The following CNTNAP5 variants were observed in gnomAD, a reference collection of about 807,000 sequenced individuals.
CNTNAP5 encodes contactin-associated protein-like 5.
A neutral mutation model predicts 150.2 loss-of-function variants in CNTNAP5; 72 were observed. The ratio of observed to expected loss-of-function variants is 0.48; its 90% CI spans 0.40 to 0.58. The LOEUF (loss-of-function observed/expected upper bound fraction) is 0.58. CNTNAP5 is among the 20% of genes least tolerant of loss of function. CNTNAP5 has a pLI of 0.00. For synonymous variants in CNTNAP5, 672 were observed against 619.8 expected, an observed-to-expected ratio of 1.08 and a Z score of -1.25; for missense variants, 1,636 against 1,626.2, an observed-to-expected ratio of 1.01 and a Z score of -0.10.
chr2:124,785,868 G>A (rs765263311), intron 17 of CNTNAP5, among the ~76,000 whole-genome samples: 1 of 152,172 alleles, frequency 6.6e-6, no homozygotes, highest in Non-Finnish European at 1.5e-5. Flanking sequence ...AGCAGGGGCT[G>A]AAGGTAGCAT....
chr2:124,886,565 G>A (rs1242789018), intron 21 of CNTNAP5, among the ~76,000 whole-genome samples: 1 of 151,954 alleles, frequency 6.6e-6, no homozygotes, highest in Non-Finnish European at 1.5e-5. Flanking sequence ...TTTTTAAAAG[G>A]GGAGAAAAAG....
rs140161122 is a variant in CNTNAP5 at position 124,095,250 on chromosome 2, A to G, written c.82+69518A>G. Among the ~76,000 whole-genome samples the G allele has an allele frequency of 1.2e-3, 183 of 152,324 alleles. 1 individual carries two copies. Among genetic ancestry groups the G allele is most frequent in the African/African-American group, 4.1e-3 (169 of 41,570 alleles). ...TCAGCAAACTAACACATGAACAGAA[A>G]GCCAAGCACTGCATGTTCTCAGTCA... On this transcript the variant is annotated intron_variant, in intron 1 of 23. Coordinates refer to ENST00000682447, the MANE Select transcript of CNTNAP5 (RefSeq NM_001367498.1).
intron 1 of CNTNAP5, among the ~76,000 whole-genome samples, chr2:124,140,818 G>C (rs1376584601): frequency 2.4e-5 from 2 of 84,318 alleles, no homozygotes; most frequent in Non-Finnish European, 5.0e-5. Flanking sequence ...AGAGAAGAAG[G>C]CTTCAGACGA....
At chr2:124,194,406 T>TAA (rs1685533205) in intron 1 of CNTNAP5, among the ~76,000 whole-genome samples, 1 of 17,648 alleles carries the variant, frequency 5.7e-5, no homozygotes, top group African/African-American at 2.1e-4. Flanking sequence ...TATATATATA[T>TAA]ATATAAATAT....
intron 19 of CNTNAP5, among the ~76,000 whole-genome samples, chr2:124,844,662 G>T (rs1295637644): frequency 2.6e-5 from 4 of 151,874 alleles, no homozygotes; most frequent in African/African-American, 9.7e-5. Flanking sequence ...TGTTTCTGTT[G>T]TCTATGACTT....
At position 124,911,383 on chromosome 2, in the gene CNTNAP5, T is replaced by A; in HGVS notation, c.3656-84T>A. ...GGGCACCTGGTGTAATGCACAGGTGTGTCATTCCAGGTGGGCCACACTGTA... is the reference window on the plus strand; with the variant it reads ...GGGCACCTGGTGTAATGCACAGGTGAGTCATTCCAGGTGGGCCACACTGTA... On this transcript the variant is annotated intron_variant, in intron 22 of 23. Coordinates refer to ENST00000682447, the MANE Select transcript of CNTNAP5 (RefSeq NM_001367498.1). The A allele has an allele frequency of 1.8e-5, 17 of 931,926 alleles. No individual in the cohort carries two copies. In the South Asian group the frequency reaches 2.4e-4, roughly 13 times the overall value. 57.7% of individuals were successfully genotyped at this position (931,926 alleles called of 1,614,324 possible).
At chr2:124,882,104 AG>A (rs1226607223) in intron 21 of CNTNAP5, among the ~76,000 whole-genome samples, 1 of 152,078 alleles carries the variant, frequency 6.6e-6, no homozygotes, top group Admixed American at 6.6e-5. Flanking sequence ...CACTCAGTTC[AG>A]GGGTTTTGAA....
chr2:124,159,103 C>T (rs1684613989), intron 1 of CNTNAP5, among the ~76,000 whole-genome samples: 1 of 152,106 alleles, frequency 6.6e-6, no homozygotes, highest in Non-Finnish European at 1.5e-5. Context: ...AGAACAATTG[C>T]CTTTATTGTT....
chr2:124,183,632 T>G (rs1363641386), intron 1 of CNTNAP5, among the ~76,000 whole-genome samples: 5 of 152,158 alleles, frequency 3.3e-5, no homozygotes, highest in East Asian at 1.9e-4. Context: ...TAAAGCACAG[T>G]TAATATATTT....
intron 19 of CNTNAP5, among the ~76,000 whole-genome samples, chr2:124,803,318 T>C (rs1160841491): frequency 6.6e-6 from 1 of 152,134 alleles, no homozygotes; most frequent in African/African-American, 2.4e-5. Context: ...CAGCAGACAT[T>C]ATATTTTTTC....
intron 11 of CNTNAP5, among the ~76,000 whole-genome samples, chr2:124,599,316 T>A (rs1696924390): frequency 6.6e-6 from 1 of 152,218 alleles, no homozygotes; most frequent in East Asian, 1.9e-4. Flanking sequence ...TGATTTGAGT[T>A]GCCTTTATCA....
At chr2:124,100,350 G>A (rs927936063) in intron 1 of CNTNAP5, among the ~76,000 whole-genome samples, 2 of 152,086 alleles carry the variant, frequency 1.3e-5, no homozygotes, top group African/African-American at 4.8e-5. Flanking sequence ...ATTCAACATG[G>A]CATTTGGGCG....
In CNTNAP5 at chr2:124,251,122, C is replaced by T. The variant is rs572367783; in HGVS notation, c.381+8729C>T. Among the ~76,000 whole-genome samples, 3 of 152,240 alleles carry T rather than the reference C, an allele frequency of 2.0e-5. No homozygotes were observed. The South Asian group carries it at 6.2e-4, about 32-fold the overall frequency. On this transcript the variant is annotated intron_variant, in intron 3 of 23. Coordinates refer to ENST00000682447, the MANE Select transcript of CNTNAP5 (RefSeq NM_001367498.1). Reference sequence around the variant, plus strand: ...TTCCTACTGCCTTGTAACCAAAGGACCGTTCTGCTGCTGTGGCTGCTCTTG... The same window carrying T: ...TTCCTACTGCCTTGTAACCAAAGGATCGTTCTGCTGCTGTGGCTGCTCTTG...
chr2:124,712,760 T>A (rs1679833323), intron 13 of CNTNAP5, among the ~76,000 whole-genome samples: 1 of 152,030 alleles, frequency 6.6e-6, no homozygotes, highest in African/African-American at 2.4e-5. Flanking sequence ...TTTTTTTTCT[T>A]TTTAAGAGAC....
At chr2:124,261,682 T>C (rs1225800738) in intron 3 of CNTNAP5, among the ~76,000 whole-genome samples, 2 of 152,168 alleles carry the variant, frequency 1.3e-5, no homozygotes, top group Non-Finnish European at 2.9e-5. Flanking sequence ...AACCAGGCCA[T>C]TCTGTACTCA....
At chr2:124,602,552 G>A (rs1421680488) in intron 11 of CNTNAP5, among the ~76,000 whole-genome samples, 1 of 151,850 alleles carries the variant, frequency 6.6e-6, no homozygotes, top group East Asian at 2.0e-4. Context: ...GGAGTGCAGT[G>A]GCTTAATCAT....
chr2:124,100,107 G>T (rs1200531394), intron 1 of CNTNAP5, among the ~76,000 whole-genome samples: 1 of 140,044 alleles, frequency 7.1e-6, no homozygotes, highest in African/African-American at 2.5e-5. Flanking sequence ...TTTTGGGGAG[G>T]CCTCAGGAAG....
intron 2 of CNTNAP5, among the ~76,000 whole-genome samples, chr2:124,229,093 C>T (rs1280124013): frequency 4.6e-5 from 7 of 152,122 alleles, no homozygotes; most frequent in Non-Finnish European, 1.0e-4. Flanking sequence ...AGACTCATGT[C>T]TGCCCTATAC....
At chr2:124,493,272 G>A (rs894426330) in intron 7 of CNTNAP5, among the ~76,000 whole-genome samples, 2 of 151,724 alleles carry the variant, frequency 1.3e-5, no homozygotes, top group African/African-American at 2.4e-5. Flanking sequence ...ATTTGCATAT[G>A]TTGAGCTATG....
Sources: allele counts gnomAD v4.1 joint callset (sites outside exome capture counted in the v4.1 genomes callset), GRCh38; gene constraint gnomAD v4.1.1; transcripts MANE v1.5; gene names NCBI Gene and HGNC (gene_info 2026-07-23, HGNC 2026-07-21).